The following AHI1 variants were observed in gnomAD, a reference collection of about 807,000 sequenced individuals.
AHI1 encodes the protein jouberin.
A neutral mutation model predicts 149.3 loss-of-function variants in AHI1; 123 were observed. The observed-to-expected ratio is 0.82, with a 90% CI of 0.71 to 0.96. The LOEUF is 0.96. Among genes scored for constraint, AHI1 ranks in the 40% least tolerant of loss-of-function variants. AHI1 has a pLI of 0.00. For synonymous variants in AHI1, 475 were observed against 459.8 expected, an observed-to-expected ratio of 1.03 and a Z score of -0.42; for missense variants, 1,439 against 1,422.7, an observed-to-expected ratio of 1.01 and a Z score of -0.18.
intron 25 of AHI1, among the ~76,000 whole-genome samples, chr6:135,320,463 T>G (rs1003430355): frequency 5.9e-5 from 9 of 152,316 alleles, no homozygotes; most frequent in African/African-American, 2.2e-4. Flanking sequence ...TAAAAAAAAT[T>G]TATCTTTTGT....
At chr6:135,492,774 G>C (rs1338531270) in intron 3 of AHI1, 5 of 985,150 alleles carry the variant, frequency 5.1e-6, no homozygotes, top group Non-Finnish European at 4.8e-6. Context: ...GAGAAGGATA[G>C]TACAAATATT....
At chr6:135,322,610 G>A (rs1272726350) in intron 25 of AHI1, among the ~76,000 whole-genome samples, 1 of 151,996 alleles carries the variant, frequency 6.6e-6, no homozygotes, top group Non-Finnish European at 1.5e-5. Context: ...TTGTCAACAC[G>A]TGCACATAAC....
chr6:135,369,330 T>A (rs140119085), intron 23 of AHI1, among the ~76,000 whole-genome samples: 261 of 152,356 alleles, frequency 1.7e-3, no homozygotes, highest in Middle Eastern at 0.01. Context: ...CTCTTGGCTT[T>A]TCTGGTAGTA....
intron 20 of AHI1, among the ~76,000 whole-genome samples, chr6:135,422,905 G>T (rs537658437): frequency 4.6e-5 from 7 of 151,710 alleles, no homozygotes; most frequent in Non-Finnish European, 1.0e-4. Context: ...TTTACCATAG[G>T]AATATTTAGC....
intron 11 of AHI1, 132 bp from the exon 12 acceptor site, chr6:135,448,607 A>G (rs943087090): frequency 2.9e-6 from 2 of 685,214 alleles, no homozygotes; most frequent in African/African-American, 1.8e-5. Context: ...TTTAAAAAGC[A>G]AAGAACATTA....
chr6:135,457,461 T>G, intron 9 of AHI1, 33 bp downstream of exon 9: 1 of 1,523,510 alleles, frequency 6.6e-7, no homozygotes, highest in African/African-American at 1.4e-5. Context: ...AGTTTCAGTT[T>G]CAAGAATTAG....
At chr6:135,465,173 G>C (rs1204338008) in intron 7 of AHI1, among the ~76,000 whole-genome samples, 2 of 152,110 alleles carry the variant, frequency 1.3e-5, no homozygotes, top group African/African-American at 4.8e-5. Flanking sequence ...TTTCTCTAGA[G>C]GAGAACTGCA....
intron 23 of AHI1, among the ~76,000 whole-genome samples, chr6:135,363,490 T>C (rs1562582194): frequency 6.6e-6 from 1 of 152,202 alleles, no homozygotes; most frequent in Non-Finnish European, 1.5e-5. Context: ...CTCAATCTTT[T>C]CCCCACCTTT....
At chr6:135,448,792 A>T (rs1326813240) in intron 11 of AHI1, among the ~76,000 whole-genome samples, 4 of 152,158 alleles carry the variant, frequency 2.6e-5, no homozygotes, top group Non-Finnish European at 5.9e-5. Context: ...ATCAATACAC[A>T]TGTTTGAAAT....
At chr6:135,332,356 C>T (rs373772059) in intron 24 of AHI1, among the ~76,000 whole-genome samples, 66 of 152,298 alleles carry the variant, frequency 4.3e-4, no homozygotes, top group African/African-American at 9.9e-4. Flanking sequence ...CGTAAGCCAC[C>T]GCTCCTGGCC....
chr6:135,340,658 CATATATAT>C (rs71006759), intron 24 of AHI1, among the ~76,000 whole-genome samples: 4 of 38,066 alleles, frequency 1.1e-4, no homozygotes, highest in African/African-American at 1.3e-4. Context: ...TACATACATA[CATATATAT>C]ATATATATAT....
intron 5 of AHI1, among the ~76,000 whole-genome samples, chr6:135,469,218 T>C (rs2128103289): frequency 6.6e-6 from 1 of 152,260 alleles, no homozygotes; most frequent in Admixed American, 6.5e-5. Context: ...CGCAAATCAA[T>C]AAACATAATT....
chr6:135,494,227 A>G lies in AHI1; in HGVS notation c.-55+1587T>C, dbSNP rs575514522. On this transcript the variant is annotated intron_variant, in intron 3 of 28. Transcript: ENST00000265602. ...TTGCGTGACTTTTGTTTCCTCATCT[A>G]TAAAAACACCCTACCAGTGCCGACT... Among the ~76,000 whole-genome samples, 47 of 152,348 alleles carry G rather than the reference A, an allele frequency of 3.1e-4. No individual in the cohort carries two copies. In the South Asian group the frequency reaches 8.9e-3, roughly 29 times the overall value.
chr6:135,464,439 A>C (rs1023732427), intron 7 of AHI1, among the ~76,000 whole-genome samples: 17 of 152,222 alleles, frequency 1.1e-4, no homozygotes, highest in Non-Finnish European at 2.2e-4. Flanking sequence ...GGAAGCCTCT[A>C]AGATGGACCT....
chr6:135,374,105 TA>T (rs1775515433), intron 23 of AHI1, among the ~76,000 whole-genome samples: 7 of 19,642 alleles, frequency 3.6e-4, no homozygotes, highest in African/African-American at 1.4e-3. Context: ...TATATATATA[TA>T]TATTTTTTTT....
chr6:135,439,203 C>T (rs568390151), intron 14 of AHI1, among the ~76,000 whole-genome samples: 31 of 152,270 alleles, frequency 2.0e-4, no homozygotes, highest in Middle Eastern at 3.4e-3. Flanking sequence ...TTCAGTTACC[C>T]GCAGTCAACC....
chr6:135,490,091 T>C (rs1056585797), intron 5 of AHI1: 2 of 696,678 alleles, frequency 2.9e-6, no homozygotes, highest in Non-Finnish European at 5.3e-6. Flanking sequence ...TTGTAGTTAG[T>C]TGCTGATTTG....
chr6:135,433,108 T>C lies in AHI1; in HGVS notation c.2185A>G (p.Met729Val). ...DSMIRIWKVEMREDSAILVRQ... is the reference protein window; with the variant it reads ...DSMIRIWKVEVREDSAILVRQ... ...ACCAATATGGCAGAATCTTCTCTCA[T>C]CTCAACTTTCCATATCCGTATCATG... Residue 729 changes from methionine (M) to valine (V), a missense_variant, in exon 16 of 29, where the codon ATG (methionine) becomes GTG (valine). By Grantham distance (21) the Met-to-Val change is conservative (BLOSUM62 1). Transcript: ENST00000265602. The C allele has an allele frequency of 6.2e-7, 1 of 1,613,742 alleles. No homozygotes were observed. Among genetic ancestry groups the C allele is most frequent in the African/African-American group, 1.3e-5 (1 of 75,042 alleles).
intron 17 of AHI1, 43 bp from the exon 18 acceptor site, chr6:135,430,043 A>G: frequency 1.8e-6 from 2 of 1,118,738 alleles, no homozygotes; most frequent in Non-Finnish European, 2.6e-6. Flanking sequence ...AAGTTTGTCT[A>G]ATGTTAAACT....
Sources: gnomAD v4.1 joint callset for allele counts (sites outside exome capture counted in the v4.1 genomes callset) on GRCh38, gnomAD v4.1.1 for gene constraint, MANE v1.5 for transcripts, NCBI Gene and HGNC (gene_info 2026-07-23, HGNC 2026-07-21) for gene names.